The following POU2AF2 variants were observed in gnomAD, a reference collection of about 807,000 sequenced individuals.
POU2AF2 encodes the protein POU class 2 homeobox associating factor 2.
At chr11:111,264,552 GAAA>G in the POU2AF2 span, among the ~76,000 whole-genome samples, 4 of 64,644 alleles carry the variant, frequency 6.2e-5, 1 homozygote, top group South Asian at 1.6e-3. Context: ...AAGAAAGAAA[GAAA>G]GAAAGAAAGA....
At chr11:111,248,120 T>C in the POU2AF2 span, among the ~76,000 whole-genome samples, 1 of 152,042 alleles carries the variant, frequency 6.6e-6, no homozygotes, top group Non-Finnish European at 1.5e-5. Flanking sequence ...TCTCCTGACC[T>C]TGTGATCCGT....
the POU2AF2 span, among the ~76,000 whole-genome samples, chr11:111,280,338 G>A: frequency 6.6e-6 from 1 of 152,106 alleles, no homozygotes; most frequent in Non-Finnish European, 1.5e-5. Context: ...CTAAGTGCAT[G>A]TATGCACATA....
the POU2AF2 span, among the ~76,000 whole-genome samples, chr11:111,263,648 G>A: frequency 1.3e-5 from 2 of 152,058 alleles, no homozygotes; most frequent in African/African-American, 4.8e-5. Flanking sequence ...GGCCAGGCTG[G>A]TCTCGGACTC....
At chr11:111,276,453 A>AATATATAT in the POU2AF2 span, among the ~76,000 whole-genome samples, 475 of 37,156 alleles carry the variant, frequency 0.013, 14 homozygotes, top group East Asian at 0.027. Flanking sequence ...AAAAAAAAAA[A>AATATATAT]ATATATATAT....
the POU2AF2 span, among the ~76,000 whole-genome samples, chr11:111,281,200 T>A: frequency 4.6e-5 from 7 of 152,232 alleles, no homozygotes; most frequent in Non-Finnish European, 1.0e-4. Context: ...AATGTAAAAG[T>A]GTGGTTGCTC....
the POU2AF2 span, among the ~76,000 whole-genome samples, chr11:111,261,547 G>A: frequency 1.3e-5 from 2 of 152,106 alleles, no homozygotes; most frequent in East Asian, 3.9e-4. Context: ...TAAAATTGTT[G>A]AATATACATC....
the POU2AF2 span, among the ~76,000 whole-genome samples, chr11:111,266,702 A>G: frequency 6.6e-6 from 1 of 152,206 alleles, no homozygotes; most frequent in African/African-American, 2.4e-5. Flanking sequence ...ATTTACAAAT[A>G]ATTTCATTTA....
At chr11:111,277,937 G>A in the POU2AF2 span, among the ~76,000 whole-genome samples, 1 of 152,224 alleles carries the variant, frequency 6.6e-6, no homozygotes, top group Non-Finnish European at 1.5e-5. Context: ...ATGGGAATAT[G>A]TGCCCAAATA....
chr11:111,247,346 CT>C, the POU2AF2 span, among the ~76,000 whole-genome samples: 53 of 152,216 alleles, frequency 3.5e-4, no homozygotes, highest in African/African-American at 1.3e-3. Context: ...ATTACAGCTT[CT>C]TTGGGTATTG....
At chr11:111,264,624 A>C in the POU2AF2 span, among the ~76,000 whole-genome samples, 32 of 31,316 alleles carry the variant, frequency 1.0e-3, 5 homozygotes, top group South Asian at 0.013. Flanking sequence ...AAGAAAGAGA[A>C]GAAAGAAAGA....
the POU2AF2 span, among the ~76,000 whole-genome samples, chr11:111,276,885 G>A: frequency 6.6e-6 from 1 of 152,032 alleles, no homozygotes; most frequent in Non-Finnish European, 1.5e-5. Context: ...GACACTTAAG[G>A]AATTTTCCAA....
chr11:111,245,882 T>C, the POU2AF2 span: 2 of 398,924 alleles, frequency 5.0e-6, no homozygotes, highest in South Asian at 1.3e-4. Flanking sequence ...ACATCAATTA[T>C]TATAATTTAA....
chr11:111,257,669 C>T, the POU2AF2 span, among the ~76,000 whole-genome samples: 1 of 152,152 alleles, frequency 6.6e-6, no homozygotes, highest in Admixed American at 6.5e-5. Flanking sequence ...CCACCGCGCC[C>T]AGCCGTTATC....
the POU2AF2 span, among the ~76,000 whole-genome samples, chr11:111,284,684 T>C: frequency 6.6e-6 from 1 of 152,196 alleles, no homozygotes; most frequent in Non-Finnish European, 1.5e-5. Flanking sequence ...ACCCTGTTAG[T>C]GCCAGTCGTC....
the POU2AF2 span, among the ~76,000 whole-genome samples, chr11:111,273,483 G>A: frequency 1.3e-5 from 2 of 152,128 alleles, no homozygotes; most frequent in Non-Finnish European, 2.9e-5. Flanking sequence ...ATCTCAAAGA[G>A]GGATATCACC....
the POU2AF2 span, among the ~76,000 whole-genome samples, chr11:111,260,435 A>G: frequency 6.6e-6 from 1 of 152,228 alleles, no homozygotes; most frequent in Non-Finnish European, 1.5e-5. Flanking sequence ...GTATCTTTAG[A>G]AGAGGCCCTT....
the POU2AF2 span, among the ~76,000 whole-genome samples, chr11:111,276,453 A>AAAAAAAAAAATATATAT: frequency 2.1e-4 from 8 of 37,656 alleles, no homozygotes; most frequent in African/African-American, 4.8e-4. Flanking sequence ...AAAAAAAAAA[A>AAAAAAAAAAATATATAT]ATATATATAT....
chr11:111,250,097 C>T, the POU2AF2 span, among the ~76,000 whole-genome samples: 1 of 152,172 alleles, frequency 6.6e-6, no homozygotes. Flanking sequence ...ATATTAAAAA[C>T]TGCATTCTTC....
the POU2AF2 span, among the ~76,000 whole-genome samples, chr11:111,268,653 G>T: frequency 2.0e-5 from 3 of 151,436 alleles, no homozygotes; most frequent in South Asian, 4.2e-4. Flanking sequence ...CCTGTCTCAG[G>T]ATCCCAAGTA....
Sources: allele counts gnomAD v4.1 joint callset (sites outside exome capture counted in the v4.1 genomes callset), GRCh38; gene constraint gnomAD v4.1.1; transcripts MANE v1.5; gene names NCBI Gene and HGNC (gene_info 2026-07-23, HGNC 2026-07-21).